The following LY96 variants were observed in gnomAD, a reference collection of about 807,000 sequenced individuals.
LY96 encodes myeloid differentiation protein-2.
LY96 carries 18 observed loss-of-function variants against 18.9 expected under a neutral mutation model. The observed-to-expected ratio is 0.95, with a 90% confidence interval of 0.66 to 1.41. LY96 has a LOEUF of 1.41. Ranked by LOEUF, LY96 falls within the 40% of genes most tolerant of loss-of-function variation. LY96 has a pLI of 0.00. For missense variants in LY96, 175 were observed against 182.4 expected, an observed-to-expected ratio of 0.96 and a Z score of 0.23; for synonymous variants, 66 against 62.6, an observed-to-expected ratio of 1.06 and a Z score of -0.26.
At chr8:74,068,017 T>A in the LY96 span, among the ~76,000 whole-genome samples, 1 of 131,760 alleles carries the variant, frequency 7.6e-6, no homozygotes, top group African/African-American at 2.9e-5. Flanking sequence ...GCCAAGATCG[T>A]GCCATTGCAC....
the LY96 span, among the ~76,000 whole-genome samples, chr8:74,076,158 G>A: frequency 6.6e-6 from 1 of 151,932 alleles, no homozygotes; most frequent in Non-Finnish European, 1.5e-5. Flanking sequence ...CTGAGAGCTG[G>A]AGGCTGTCTG....
At chr8:74,084,041 G>A in the LY96 span, among the ~76,000 whole-genome samples, 8 of 146,162 alleles carry the variant, frequency 5.5e-5, no homozygotes, top group South Asian at 2.1e-4. Context: ...TTTTTGTTTC[G>A]TTGCAATTTA....
At chr8:74,017,684 C>T (rs112534494) in intron 3 of LY96, among the ~76,000 whole-genome samples, 33,736 of 152,072 alleles carry the variant, frequency 0.22, 4,262 homozygotes, top group African/African-American at 0.35. Flanking sequence ...GGAAGCCCAT[C>T]AGACTAACAG....
rs1563707726 is a variant in LY96, at chr8:73,996,365, C to CT, written c.112+4813dup. On this transcript the variant is annotated intron_variant, in intron 1 of 4. Transcript: ENST00000284818. ...CCTTCCTTCCTTCCTTCCTTCCTTCCTTCATTCCTTTCTTTCTTTCTTTCT... is the reference window on the plus strand; with the variant it reads ...CCTTCCTTCCTTCCTTCCTTCCTTCCTTTCATTCCTTTCTTTCTTTCTTTCT... Among the ~76,000 whole-genome samples the CT allele has an allele frequency of 3.6e-3, 438 of 120,036 alleles. 9 individuals are homozygous for CT. The highest frequency in any genetic ancestry group is 3.8e-3 in the Non-Finnish European group (222 of 57,672). 78.7% of individuals were successfully genotyped at this position (120,036 alleles called of 152,430 possible).
intron 1 of LY96, among the ~76,000 whole-genome samples, chr8:74,002,883 A>G (rs1045560275): frequency 7.0e-4 from 107 of 152,116 alleles, no homozygotes; most frequent in African/African-American, 2.5e-3. Flanking sequence ...CTTCAGCTCC[A>G]TGATTTCTGT....
the LY96 span, among the ~76,000 whole-genome samples, chr8:74,078,329 G>A: frequency 0.054 from 8,218 of 152,146 alleles, 702 homozygotes; most frequent in African/African-American, 0.18. Context: ...ACCTGGGAAA[G>A]GAGATACAGG....
chr8:74,078,438 A>C, the LY96 span, among the ~76,000 whole-genome samples: 1 of 152,216 alleles, frequency 6.6e-6, no homozygotes, highest in Non-Finnish European at 1.5e-5. Context: ...TACATTGTCT[A>C]AATTCTCACA....
At chr8:74,055,246 G>C in the LY96 span, among the ~76,000 whole-genome samples, 1 of 152,126 alleles carries the variant, frequency 6.6e-6, no homozygotes, top group African/African-American at 2.4e-5. Context: ...ACTATGGCTG[G>C]CTGAATTTTT....
At chr8:74,054,542 TCC>T in the LY96 span, among the ~76,000 whole-genome samples, 1 of 138,734 alleles carries the variant, frequency 7.2e-6, no homozygotes, top group Non-Finnish European at 1.5e-5. Flanking sequence ...CTTCCTTCCT[TCC>T]TTCCTTCCTT....
intron 3 of LY96, among the ~76,000 whole-genome samples, chr8:74,021,448 T>C (rs1242028500): frequency 2.0e-5 from 3 of 152,162 alleles, no homozygotes; most frequent in Non-Finnish European, 1.5e-5. Flanking sequence ...TGTGGAGAAA[T>C]AGGAATGCTT....
the LY96 span, among the ~76,000 whole-genome samples, chr8:74,034,112 C>T: frequency 6.6e-6 from 1 of 152,182 alleles, no homozygotes; most frequent in Non-Finnish European, 1.5e-5. Flanking sequence ...GTGGCTCACA[C>T]CTGTAATCCC....
chr8:74,055,803 C>A, the LY96 span: 1 of 152,290 alleles, frequency 6.6e-6, no homozygotes, highest in Non-Finnish European at 1.5e-5. Flanking sequence ...GCATTTGCGT[C>A]AGCACTGCCG....
the LY96 span, among the ~76,000 whole-genome samples, chr8:74,069,597 T>C: frequency 0.081 from 12,286 of 152,186 alleles, 848 homozygotes; most frequent in African/African-American, 0.19. Flanking sequence ...TATTTATTTA[T>C]TTATTTTTAT....
chr8:74,063,571 G>A, the LY96 span, among the ~76,000 whole-genome samples: 1 of 151,952 alleles, frequency 6.6e-6, no homozygotes, highest in African/African-American at 2.4e-5. Flanking sequence ...GGTTGGAATT[G>A]CAATAAATTT....
At chr8:74,090,689 T>C in the LY96 span, among the ~76,000 whole-genome samples, 8 of 152,178 alleles carry the variant, frequency 5.3e-5, no homozygotes, top group Admixed American at 3.9e-4. Context: ...AACTTGGCAA[T>C]GTGAGAGGAG....
chr8:74,043,860 T>C, the LY96 span, among the ~76,000 whole-genome samples: 1 of 152,242 alleles, frequency 6.6e-6, no homozygotes, highest in African/African-American at 2.4e-5. Context: ...CTTTGAGACA[T>C]GGTCTGGCTG....
At chr8:74,043,046 A>G in the LY96 span, among the ~76,000 whole-genome samples, 1 of 152,142 alleles carries the variant, frequency 6.6e-6, no homozygotes, top group Admixed American at 6.5e-5. Context: ...AAGTGCTGGG[A>G]TTACAGGCAT....
chr8:73,994,946 CTG>C (rs750785376), intron 1 of LY96, among the ~76,000 whole-genome samples: 1 of 152,262 alleles, frequency 6.6e-6, no homozygotes, highest in Non-Finnish European at 1.5e-5. Context: ...TGGCTTACTG[CTG>C]TGTTTTGAAT....
intron 3 of LY96, among the ~76,000 whole-genome samples, chr8:74,020,447 A>C (rs1224058100): frequency 2.0e-5 from 3 of 152,236 alleles, no homozygotes; most frequent in Admixed American, 6.5e-5. Flanking sequence ...AGAACATTCC[A>C]TGCTCATGGA....
Sources: gnomAD v4.1 joint callset for allele counts (sites outside exome capture counted in the v4.1 genomes callset) on GRCh38, gnomAD v4.1.1 for gene constraint, MANE v1.5 for transcripts, NCBI Gene and HGNC (gene_info 2026-07-23, HGNC 2026-07-21) for gene names.